Variants in RAI14 observed in about 807,000 individuals in gnomAD.
The protein encoded by RAI14 is retinoic acid induced 14.
Under a neutral mutation model 115.4 loss-of-function variants are expected in RAI14, and 45 were observed. The observed-to-expected ratio is 0.39, with a 90% CI of 0.31 to 0.50. The LOEUF (loss-of-function observed/expected upper bound fraction) is 0.50, where lower values mean the gene tolerates loss of function less well. Ranked by LOEUF, RAI14 falls within the 20% of genes least tolerant of loss-of-function variation. RAI14 has a pLI of 0.85. For missense variants in RAI14, 939 were observed against 1,131.2 expected (o/e 0.83, Z 2.44); for synonymous variants, 371 against 415.4 (o/e 0.89, Z 1.30).
In RAI14 at chr5:34,812,223, G is replaced by C. The variant is rs752748173; in HGVS notation, c.765+15G>C. On this transcript the variant is annotated intron_variant, in intron 10 of 17. Coordinates refer to ENST00000265109, the MANE Select transcript of RAI14 (RefSeq NM_015577.3). ...AACCAAAGCAGGTATTTATCTTTGG[G>C]GGAGGCTTCTATGTTTCATTTATGC... The C allele has an allele frequency of 1.3e-6, 2 of 1,573,316 alleles. No individual in the cohort carries two copies. The highest frequency in any genetic ancestry group is 2.3e-5 in the South Asian group (2 of 87,284).
chr5:34,825,588 A>T (rs1172808181), intron 15 of RAI14, among the ~76,000 whole-genome samples: 1 of 152,044 alleles, frequency 6.6e-6, no homozygotes, highest in South Asian at 2.1e-4. Flanking sequence ...ACAGGTATAT[A>T]GGAGAGGAAG....
At chr5:34,769,754 C>T (rs190120808) in intron 3 of RAI14, among the ~76,000 whole-genome samples, 159 of 152,282 alleles carry the variant, frequency 1.0e-3, no homozygotes, top group African/African-American at 3.7e-3. Flanking sequence ...TTAAGACAGA[C>T]TCACTCGGTA....
At chr5:34,751,494 C>G (rs1157028405) in intron 2 of RAI14, among the ~76,000 whole-genome samples, 1 of 152,132 alleles carries the variant, frequency 6.6e-6, no homozygotes, top group African/African-American at 2.4e-5. Flanking sequence ...TTCCATGTTT[C>G]CTGTTTCTAT....
chr5:34,770,008 G>A (rs2150128616), intron 3 of RAI14, among the ~76,000 whole-genome samples: 2 of 152,242 alleles, frequency 1.3e-5, no homozygotes, highest in East Asian at 3.9e-4. Flanking sequence ...GGATTACAGG[G>A]ATGAGCCACT....
intron 2 of RAI14, among the ~76,000 whole-genome samples, chr5:34,741,868 A>G (rs1428659467): frequency 6.6e-6 from 1 of 152,160 alleles, no homozygotes; most frequent in Non-Finnish European, 1.5e-5. Flanking sequence ...GACAATTGAA[A>G]TGTCCTAAAC....
chr5:34,677,455 C>CT (rs1251687896), intron 1 of RAI14, among the ~76,000 whole-genome samples: 3 of 148,168 alleles, frequency 2.0e-5, no homozygotes, highest in South Asian at 2.4e-4. Flanking sequence ...CTGGCCGTTT[C>CT]TTTTTTTTTA....
chr5:34,672,784 A>G (rs1743707791), intron 1 of RAI14, among the ~76,000 whole-genome samples: 1 of 152,126 alleles, frequency 6.6e-6, no homozygotes, highest in Admixed American at 6.5e-5. Context: ...ACTGCTATTC[A>G]TCATTAGGCA....
intron 3 of RAI14, among the ~76,000 whole-genome samples, chr5:34,767,163 C>A (rs1052482865): frequency 6.6e-6 from 1 of 152,142 alleles, no homozygotes; most frequent in Non-Finnish European, 1.5e-5. Flanking sequence ...CAGCATTTTT[C>A]ATTTTAGAGC....
At chr5:34,760,727 T>C (rs974576550) in intron 3 of RAI14, among the ~76,000 whole-genome samples, 2 of 152,250 alleles carry the variant, frequency 1.3e-5, no homozygotes, top group African/African-American at 4.8e-5. Flanking sequence ...CTTTATTTAT[T>C]GTGGTAAAAT....
intron 1 of RAI14, among the ~76,000 whole-genome samples, chr5:34,677,852 G>A (rs995758449): frequency 1.3e-5 from 2 of 152,082 alleles, no homozygotes; most frequent in African/African-American, 4.8e-5. Flanking sequence ...AAAAGTAATC[G>A]TGGTTTTTGT....
At chr5:34,715,379 G>T (rs1250602537) in intron 2 of RAI14, among the ~76,000 whole-genome samples, 1 of 152,118 alleles carries the variant, frequency 6.6e-6, no homozygotes, top group Non-Finnish European at 1.5e-5. Context: ...GGGTCCAGTT[G>T]GTCTTAGCCA....
At chr5:34,786,160 C>G (rs71615826) in intron 3 of RAI14, among the ~76,000 whole-genome samples, 38,444 of 151,950 alleles carry the variant, frequency 0.25, 5,578 homozygotes, top group Non-Finnish European at 0.31. Context: ...GCCCCTCATG[C>G]CATTTCCCAA....
At chr5:34,718,375 G>A (rs78559156) in intron 2 of RAI14, among the ~76,000 whole-genome samples, 1 of 152,336 alleles carries the variant, frequency 6.6e-6, no homozygotes, top group Non-Finnish European at 1.5e-5. Context: ...CATACACAGA[G>A]TTCACAGATC....
intron 3 of RAI14, among the ~76,000 whole-genome samples, chr5:34,767,845 T>A (rs1749618708): frequency 6.6e-6 from 1 of 151,908 alleles, no homozygotes; most frequent in Non-Finnish European, 1.5e-5. Context: ...GAATTGTTTC[T>A]TATTAATTAT....
chr5:34,788,294 C>CT (rs1243404860), intron 3 of RAI14, among the ~76,000 whole-genome samples: 1 of 152,024 alleles, frequency 6.6e-6, no homozygotes, highest in African/African-American at 2.4e-5. Context: ...AGATGGTCAG[C>CT]AGCATCTCTG....
At chr5:34,683,550 C>G (rs988915173) in intron 1 of RAI14, among the ~76,000 whole-genome samples, 8 of 152,166 alleles carry the variant, frequency 5.3e-5, no homozygotes, top group African/African-American at 1.9e-4. Context: ...TTTGTGCTCT[C>G]TGAATATGTG....
At chr5:34,780,471 C>T (rs1751475710) in intron 3 of RAI14, among the ~76,000 whole-genome samples, 2 of 152,150 alleles carry the variant, frequency 1.3e-5, no homozygotes, top group Non-Finnish European at 2.9e-5. Flanking sequence ...GCAATGTACT[C>T]ATCTGACAAA....
At chr5:34,812,329 G>A in intron 10 of RAI14, 121 bp downstream of exon 10, 1 of 929,034 alleles carries the variant, frequency 1.1e-6, no homozygotes, top group Non-Finnish European at 1.6e-6. Flanking sequence ...AAATACTTAG[G>A]GACTGAAATA....
At chr5:34,678,328 T>C (rs528750957) in intron 1 of RAI14, among the ~76,000 whole-genome samples, 11 of 152,320 alleles carry the variant, frequency 7.2e-5, no homozygotes, top group Middle Eastern at 3.4e-3. Context: ...CAGATGTTTG[T>C]TTTACTTTTA....
Sources: gnomAD v4.1 joint callset for allele counts (sites outside exome capture counted in the v4.1 genomes callset) on GRCh38, gnomAD v4.1.1 for gene constraint, MANE v1.5 for transcripts, NCBI Gene and HGNC (gene_info 2026-07-23, HGNC 2026-07-21) for gene names.